Variants in RNF213 observed in about 807,000 individuals in gnomAD.
The protein encoded by RNF213 is ring finger protein 213, also known as E3 ubiquitin-protein ligase RNF213.
RNF213 carries 341 observed loss-of-function variants against 514.4 expected under a neutral mutation model. The ratio of observed to expected loss-of-function variants is 0.66; its 90% CI spans 0.61 to 0.73. The LOEUF (loss-of-function observed/expected upper bound fraction) is 0.73, where lower values mean the gene tolerates loss of function less well. RNF213 is among the 30% of genes least tolerant of loss of function. The probability of loss-of-function intolerance (pLI) is 0.00; values close to 1 mark genes in which losing one functional copy is unlikely to be tolerated. For missense variants in RNF213, 5,767 were observed against 6,615.6 expected (o/e 0.87, Z 4.45); for synonymous variants, 2,655 against 2,658.2 (o/e 1.00, Z 0.04).
Position 80,389,826 on chromosome 17 carries a change from AG to A in RNF213, c.15196del, listed in dbSNP as rs1401553023. ...CACTCAGGAATTCTATTCCTTCTGC[AG>A]GCCTTAAACAGATGCCAGTTAAAAC... On this transcript the variant is annotated splice_acceptor_variant, in intron 65 of 67. Coordinates refer to ENST00000582970, the MANE Select transcript of RNF213 (RefSeq NM_001256071.3). LOFTEE classifies it high-confidence loss of function. The A allele has an allele frequency of 6.2e-7, 1 of 1,613,608 alleles. No homozygotes were observed. The highest frequency in any genetic ancestry group is 1.1e-5 in the South Asian group (1 of 91,064).
chr17:80,352,814 C>T, intron 32 of RNF213, 126 bp from the exon 33 acceptor site: 1 of 1,464,408 alleles, frequency 6.8e-7, no homozygotes, highest in East Asian at 2.3e-5. Context: ...GTTTCGGCTT[C>T]AGGGTGCCAG....
At position 80,337,652 on chromosome 17, in the gene RNF213, T is replaced by A; in HGVS notation, c.4594T>A (p.Ser1532Thr). The part of the protein sequence containing the change: ...VNESHGSVER[S>T]SLTLATAINQ... ...TGAGAGTCATGGGTCTGTGGAACGC[T>A]CATCCCTGACCCTGGCCACGGCCAT... Residue 1532 changes from serine to threonine, a missense_variant, in exon 24 of 68, where the codon TCA (serine) becomes ACA (threonine). Coordinates refer to ENST00000582970, the MANE Select transcript of RNF213 (RefSeq NM_001256071.3). The A allele has an allele frequency of 1.3e-6, 2 of 1,537,272 alleles. No homozygotes were observed. Among genetic ancestry groups the A allele is most frequent in the Non-Finnish European group, 1.7e-6 (2 of 1,146,928 alleles).
At chr17:80,286,746 C>T (rs1480958544) in intron 3 of RNF213, among the ~76,000 whole-genome samples, 1 of 152,098 alleles carries the variant, frequency 6.6e-6, no homozygotes, top group Non-Finnish European at 1.5e-5. Context: ...GCCCTCATCA[C>T]ACACCACCAG....
intron 10 of RNF213, among the ~76,000 whole-genome samples, chr17:80,296,722 C>G (rs1027249058): frequency 6.6e-6 from 1 of 152,268 alleles, no homozygotes; most frequent in East Asian, 1.9e-4. Flanking sequence ...TTACTCTGTT[C>G]CCCCAGTCTG....
intron 20 of RNF213, among the ~76,000 whole-genome samples, chr17:80,331,115 A>G (rs183139909): frequency 7.8e-4 from 119 of 152,248 alleles, no homozygotes; most frequent in Admixed American, 2.3e-3. Flanking sequence ...CACTGTGCCC[A>G]GCCTGGACCG....
At chr17:80,389,143 G>A (rs1410251701) in intron 64 of RNF213, 30 bp from the exon 65 acceptor site, 1 of 1,609,028 alleles carries the variant, frequency 6.2e-7, no homozygotes. Flanking sequence ...CCAGCCCACA[G>A]ACATCCCTCT....
Position 80,304,614 on chromosome 17 carries a change from A to T in RNF213, c.2211-1638A>T, listed in dbSNP as rs552682204. Among the ~76,000 whole-genome samples the T allele has an allele frequency of 5.0e-3, 762 of 152,230 alleles. 7 individuals carry two copies. Among genetic ancestry groups the T allele is most frequent in the African/African-American group, 0.014 (601 of 41,542 alleles). The stretch of plus-strand genomic sequence containing the variant: ...GAGATCACACCACTGCACTCCAGCC[A>T]AGGCAACAGAGTGAGACTCCAACAC... On this transcript the variant is annotated intron_variant, in intron 11 of 67. Coordinates refer to ENST00000582970, the MANE Select transcript of RNF213 (RefSeq NM_001256071.3).
Position 80,332,468 on chromosome 17 carries a change from T to C in RNF213, c.3980T>C (p.Val1327Ala). ...LDSELKIMCT[V>A]DHQDQRDWIK... The stretch of plus-strand genomic sequence containing the variant: ...TCAGAACTTAAGATCATGTGCACCG[T>C]GGACCACCAGGACCAAAGAGATTGG... Residue 1327 changes from valine (V) to alanine (A), a missense_variant, in exon 21 of 68, where the codon GTG becomes GCG. Val to Ala is a moderately conservative substitution (Grantham distance 64, BLOSUM62 0). Transcript: ENST00000582970. The C allele has an allele frequency of 1.3e-6, 2 of 1,537,156 alleles. No individual in the cohort carries two copies. The highest frequency in any genetic ancestry group is 1.7e-6 in the Non-Finnish European group (2 of 1,146,864).
At chr17:80,336,951 A>G (rs1195613219) in intron 23 of RNF213, 2 of 195,998 alleles carry the variant, frequency 1.0e-5, no homozygotes, top group African/African-American at 2.4e-5. Flanking sequence ...TAAGTAAACT[A>G]CCTGTAGCAG....
chr17:80,342,771 A>T (rs942305645), intron 26 of RNF213, among the ~76,000 whole-genome samples: 6 of 146,618 alleles, frequency 4.1e-5, no homozygotes, highest in African/African-American at 1.5e-4. Context: ...TTATATATAT[A>T]TATTTTTTGA....
chr17:80,363,947 T>C (rs1326216388), intron 41 of RNF213, among the ~76,000 whole-genome samples, 157 bp downstream of exon 41: 1 of 152,202 alleles, frequency 6.6e-6, no homozygotes, highest in Non-Finnish European at 1.5e-5. Flanking sequence ...GAACCCTTAG[T>C]GAGTGCCAGG....
At chr17:80,305,103 G>T (rs1222104299) in intron 11 of RNF213, among the ~76,000 whole-genome samples, 18 of 151,732 alleles carry the variant, frequency 1.2e-4, no homozygotes. Flanking sequence ...TCAAACTGCT[G>T]GCCTCAAGCT....
In RNF213 at chr17:80,332,078, T is replaced by TG; in HGVS notation, c.3591dup (p.Arg1198GlufsTer49). On this transcript the variant is annotated frameshift_variant, in exon 21 of 68. Coordinates refer to ENST00000582970, the MANE Select transcript of RNF213 (RefSeq NM_001256071.3). LOFTEE classifies it high-confidence loss of function. Reference sequence around the variant, plus strand: ...AAAAGATTAAATGACACCGTGACAGTGAGACTGTCCACCTCCTCGAACTCG... The same window carrying TG: ...AAAAGATTAAATGACACCGTGACAGTGGAGACTGTCCACCTCCTCGAACTCG... 1 of 1,537,154 alleles carries TG rather than the reference T, an allele frequency of 6.5e-7. No homozygotes were observed. The highest frequency in any genetic ancestry group is 8.7e-7 in the Non-Finnish European group (1 of 1,146,912).
intron 59 of RNF213, among the ~76,000 whole-genome samples, chr17:80,384,212 C>G (rs1352572153): frequency 6.6e-6 from 1 of 152,202 alleles, no homozygotes; most frequent in Non-Finnish European, 1.5e-5. Flanking sequence ...CCTCATCACT[C>G]AGCCAGACAG....
At chr17:80,389,455 C>A in intron 65 of RNF213, 88 bp downstream of exon 65, 1 of 1,175,604 alleles carries the variant, frequency 8.5e-7, no homozygotes, top group Non-Finnish European at 1.3e-6. Context: ...CAGGGAGTGC[C>A]ACTCTAGGCG....
At chr17:80,314,145 GTGA>G (rs1458138357) in intron 15 of RNF213, among the ~76,000 whole-genome samples, 1 of 129,422 alleles carries the variant, frequency 7.7e-6, no homozygotes, top group Non-Finnish European at 1.7e-5. Context: ...GGTACTGGAG[GTGA>G]TGGTGGTGGT....
Position 80,306,976 on chromosome 17 carries a change from A to G in RNF213, c.2428-152A>G, listed in dbSNP as rs149370548. 2.3e-3 allele frequency: 1,772 copies of G among 761,264 alleles called. 14 individuals carry two copies. Among genetic ancestry groups the G allele is most frequent in the African/African-American group, 0.015 (851 of 58,318 alleles). 47.2% of individuals were successfully genotyped at this position (761,264 alleles called of 1,614,324 possible). A position where few individuals can be genotyped will look rare whatever the true frequency, so the allele number is the denominator to read the frequency against. The stretch of plus-strand genomic sequence containing the variant: ...CCTGAGTTTTATCTGTAAAAGAGGT[A>G]AGATTAGTATGTGAGCACCTTAAAA... On this transcript the variant is annotated intron_variant, in intron 12 of 67. Coordinates refer to ENST00000582970, the MANE Select transcript of RNF213 (RefSeq NM_001256071.3).
In RNF213 at chr17:80,309,130, G is replaced by C. The variant is rs759485797; in HGVS notation, c.2614G>C (p.Ala872Pro). The C allele has an allele frequency of 1.4e-5, 22 of 1,614,068 alleles. No homozygotes were observed. Residue 872 changes from alanine to proline, a missense_variant, in exon 14 of 68, where the codon GCC becomes CCC. Around this residue, in one of 13 missense-constraint regions of RNF213, gnomAD observed 592 missense variants for 673.9 expected, o/e 0.88. Coordinates refer to ENST00000582970, the MANE Select transcript of RNF213 (RefSeq NM_001256071.3). ...GTTTTACGAGCTGCCAGCCTTATCTGCCGAGATTGTCTGCAGAATGATTAG... is the reference window on the plus strand; with the variant it reads ...GTTTTACGAGCTGCCAGCCTTATCTCCCGAGATTGTCTGCAGAATGATTAG... ...LKFYELPALSAEIVCRMIRLL... is the reference protein window; with the variant it reads ...LKFYELPALSPEIVCRMIRLL...
chr17:80,274,967 G>T, intron 3 of RNF213, among the ~76,000 whole-genome samples: 1 of 63,752 alleles, frequency 1.6e-5, no homozygotes, highest in Non-Finnish European at 3.1e-5. Context: ...TGTGTGTGTT[G>T]GGGTGTGTGT....
Sources: allele counts gnomAD v4.1 joint callset (sites outside exome capture counted in the v4.1 genomes callset), GRCh38; gene constraint gnomAD v4.1.1; regional missense constraint gnomAD v4.1.1; transcripts MANE v1.5; gene names NCBI Gene and HGNC (gene_info 2026-07-23, HGNC 2026-07-21).